The following HDAC8 variants were observed in gnomAD, a reference collection of about 807,000 sequenced individuals.
HDAC8 encodes histone deacetylase 8.
A neutral mutation model predicts 32.2 loss-of-function variants in HDAC8; 1 was observed. The observed-to-expected ratio is 0.03, with a 90% CI of 0.01 to 0.15. HDAC8 has a LOEUF of 0.15. Among genes scored for constraint, HDAC8 ranks in the 10% least tolerant of loss-of-function variants. HDAC8 has a pLI of 1.00. For missense variants in HDAC8, 117 were observed against 300.0 expected (o/e 0.39, Z 4.51); for synonymous variants, 108 against 113.9 (o/e 0.95, Z 0.33).
intron 9 of HDAC8, among the ~76,000 whole-genome samples, chrX:72,441,440 C>A (rs782367872): frequency 1.8e-5 from 2 of 112,332 alleles, no homozygotes; most frequent in South Asian, 7.4e-4. Context: ...CTGGAGTGGA[C>A]CTCTAGCAAA....
rs782254805 is a variant in HDAC8 at position 72,572,126 on chromosome X, A to G, written c.112-17T>C. On this transcript the variant is annotated splice_polypyrimidine_tract_variant and intron_variant, in intron 1 of 10. Coordinates refer to ENST00000373573, the MANE Select transcript of HDAC8 (RefSeq NM_018486.3). ...CATACTGGCCTAAAAACATCAGCGT[A>G]AAAAAAAAAAAAGAAAAGCAGAAAT... 28 of 200,798 alleles carry G rather than the reference A, an allele frequency of 1.4e-4. No homozygotes were observed. The highest frequency in any genetic ancestry group is 2.1e-4 in the Non-Finnish European group (28 of 135,327). 16.5% of individuals were successfully genotyped at this position (200,798 alleles called of 1,213,427 possible).
chrX:72,530,100 T>C (rs782145038), intron 4 of HDAC8, among the ~76,000 whole-genome samples: 1 of 112,178 alleles, frequency 8.9e-6, no homozygotes, highest in Non-Finnish European at 1.9e-5. Context: ...TTCTTTATAA[T>C]AGTGTGAGAA....
intron 10 of HDAC8, among the ~76,000 whole-genome samples, chrX:72,340,307 C>T (rs1214476644): frequency 5.4e-5 from 6 of 111,361 alleles, no homozygotes; most frequent in African/African-American, 1.6e-4. Flanking sequence ...GCCTCCCAGC[C>T]GTTTTGGAGA....
chrX:72,353,526 G>C (rs1284477564), intron 9 of HDAC8, among the ~76,000 whole-genome samples: 1 of 111,726 alleles, frequency 9.0e-6, no homozygotes, highest in Non-Finnish European at 1.9e-5. Context: ...TTACCTGGGG[G>C]ACACATCCAG....
chrX:72,437,443 A>C (rs782559339), intron 9 of HDAC8, among the ~76,000 whole-genome samples: 1 of 110,815 alleles, frequency 9.0e-6, no homozygotes, highest in Non-Finnish European at 1.9e-5. Flanking sequence ...TAGCTTCAGG[A>C]GTTTTTTTTT....
intron 9 of HDAC8, among the ~76,000 whole-genome samples, chrX:72,368,519 G>T (rs1432952201): frequency 9.0e-6 from 1 of 111,185 alleles, no homozygotes; most frequent in East Asian, 2.8e-4. Flanking sequence ...ACCACATGCA[G>T]CTAATTTTTG....
chrX:72,449,496 C>T lies in HDAC8; in HGVS notation c.1005+12508G>A, dbSNP rs782152447. Among the ~76,000 whole-genome samples the T allele has an allele frequency of 1.6e-4, 18 of 109,943 alleles. No individual in the cohort carries two copies. The South Asian group carries it at 5.6e-3, about 34-fold the overall frequency. On this transcript the variant is annotated intron_variant, in intron 9 of 10. Coordinates refer to ENST00000373573, the MANE Select transcript of HDAC8 (RefSeq NM_018486.3). ...AATGTAGATGATGAGTTGATGGGTG[C>T]GGCAACCACCATGGCACGTGTACAC...
chrX:72,362,403 G>A (rs1365912980), intron 9 of HDAC8, among the ~76,000 whole-genome samples: 4 of 111,922 alleles, frequency 3.6e-5, no homozygotes, highest in Non-Finnish European at 5.6e-5. Flanking sequence ...CTGCAAAACT[G>A]TGAGCCAATT....
intron 9 of HDAC8, among the ~76,000 whole-genome samples, chrX:72,432,146 T>A (rs1299375363): frequency 1.8e-5 from 2 of 109,558 alleles, no homozygotes; most frequent in Admixed American, 1.9e-4. Context: ...AATTTTTTAT[T>A]TTTTTTTTGT....
chrX:72,456,454 A>G (rs1161348092), intron 9 of HDAC8, among the ~76,000 whole-genome samples: 3 of 111,767 alleles, frequency 2.7e-5, no homozygotes, highest in African/African-American at 9.7e-5. Context: ...GTACTATATT[A>G]TATGTGAAGT....
chrX:72,544,192 G>A (rs998121255), intron 4 of HDAC8, among the ~76,000 whole-genome samples: 5 of 111,766 alleles, frequency 4.5e-5, no homozygotes, highest in Non-Finnish European at 9.4e-5. Flanking sequence ...GGCCTTGATC[G>A]CTAAGAGCTC....
At chrX:72,350,301 T>C (rs1555948395) in intron 10 of HDAC8, among the ~76,000 whole-genome samples, 1 of 111,708 alleles carries the variant, frequency 9.0e-6, no homozygotes, top group Non-Finnish European at 1.9e-5. Context: ...TGAGAGTCTA[T>C]GACTTCTTAG....
intron 9 of HDAC8, among the ~76,000 whole-genome samples, chrX:72,387,907 G>T (rs1476541949): frequency 9.0e-6 from 1 of 110,888 alleles, no homozygotes; most frequent in Admixed American, 9.6e-5. Context: ...ATGTGTGTCA[G>T]ATATTATAGG....
At chrX:72,473,034 A>G (rs1555998585) in intron 7 of HDAC8, among the ~76,000 whole-genome samples, 2 of 111,276 alleles carry the variant, frequency 1.8e-5, no homozygotes, top group Non-Finnish European at 3.8e-5. Flanking sequence ...CACACACAAA[A>G]CCATCAAATT....
chrX:72,528,088 C>T (rs1169429501), intron 4 of HDAC8, among the ~76,000 whole-genome samples: 1 of 110,997 alleles, frequency 9.0e-6, no homozygotes, highest in African/African-American at 3.3e-5. Context: ...CCTTTCTGTC[C>T]TCTTAGCCCT....
intron 9 of HDAC8, among the ~76,000 whole-genome samples, chrX:72,420,689 C>T (rs983038282): frequency 3.2e-4 from 36 of 111,525 alleles, no homozygotes; most frequent in Non-Finnish European, 4.3e-4. Flanking sequence ...ATTGTTATAC[C>T]GTCTCAATCA....
intron 9 of HDAC8, among the ~76,000 whole-genome samples, chrX:72,445,887 C>T (rs1452715060): frequency 8.9e-6 from 1 of 112,044 alleles, no homozygotes; most frequent in Admixed American, 9.4e-5. Flanking sequence ...TATGAACAGA[C>T]ACTTCTCAAA....
intron 4 of HDAC8, among the ~76,000 whole-genome samples, chrX:72,558,575 G>A (rs1274269345): frequency 9.0e-6 from 1 of 111,604 alleles, no homozygotes; most frequent in African/African-American, 3.3e-5. Flanking sequence ...TGGCATAGGA[G>A]GGACGTACCT....
chrX:72,474,816 C>T (rs2048286817), intron 7 of HDAC8: 14 of 551,449 alleles, frequency 2.5e-5, no homozygotes, highest in Non-Finnish European at 2.7e-5. Context: ...GAGTTACTCC[C>T]TTTTCTTTGA....
Sources: gnomAD v4.1 joint callset for allele counts (sites outside exome capture counted in the v4.1 genomes callset) on GRCh38, gnomAD v4.1.1 for gene constraint, MANE v1.5 for transcripts, NCBI Gene and HGNC (gene_info 2026-07-23, HGNC 2026-07-21) for gene names.